Variants in SLC9A9 observed in about 807,000 individuals in gnomAD.
The protein encoded by SLC9A9 is solute carrier family 9 member A9, also known as sodium/hydrogen exchanger 9.
In SLC9A9, 62 loss-of-function variants were observed where a neutral mutation model predicts 77.8. The observed-to-expected ratio is 0.80, with a 90% CI of 0.65 to 0.98. The LOEUF (loss-of-function observed/expected upper bound fraction) is 0.98, where lower values mean the gene tolerates loss of function less well. SLC9A9 is among the 50% of genes least tolerant of loss of function. The pLI is 0.00. For missense variants in SLC9A9, 775 were observed against 774.9 expected, an observed-to-expected ratio of 1.00 and a Z score of 0.00; for synonymous variants, 320 against 283.5, an observed-to-expected ratio of 1.13 and a Z score of -1.29.
intron 12 of SLC9A9, among the ~76,000 whole-genome samples, chr3:143,445,330 T>C (rs566474779): frequency 1.1e-4 from 17 of 152,324 alleles, no homozygotes; most frequent in African/African-American, 3.6e-4. Flanking sequence ...CCACATCTCA[T>C]GGGCTTAAGA....
At chr3:143,270,014 C>T (rs188041863) in intron 14 of SLC9A9, among the ~76,000 whole-genome samples, 4 of 152,316 alleles carry the variant, frequency 2.6e-5, no homozygotes, top group Admixed American at 1.3e-4. Context: ...GCTAAAGAAT[C>T]TGGTACTTCT....
intron 6 of SLC9A9, among the ~76,000 whole-genome samples, chr3:143,642,060 G>T (rs1349241461): frequency 6.6e-6 from 1 of 152,162 alleles, no homozygotes; most frequent in Non-Finnish European, 1.5e-5. Flanking sequence ...TTCTTCAGAA[G>T]TTCTATCATT....
chr3:143,747,785 G>A (rs1264137539), intron 4 of SLC9A9, among the ~76,000 whole-genome samples: 2 of 152,204 alleles, frequency 1.3e-5, no homozygotes, highest in Non-Finnish European at 2.9e-5. Flanking sequence ...CATATATTTC[G>A]ATTGTTTTAA....
intron 1 of SLC9A9, among the ~76,000 whole-genome samples, chr3:143,834,791 A>G (rs73869037): frequency 0.043 from 6,477 of 152,194 alleles, 445 homozygotes; most frequent in African/African-American, 0.14. Context: ...GAAGAAGCAC[A>G]TTGAAGTGAA....
chr3:143,789,949 CTGA>C (rs1400610400), intron 4 of SLC9A9, among the ~76,000 whole-genome samples: 1 of 152,158 alleles, frequency 6.6e-6, no homozygotes, highest in East Asian at 1.9e-4. Context: ...AGCATTCTAG[CTGA>C]TATGGTTTGG....
intron 4 of SLC9A9, among the ~76,000 whole-genome samples, chr3:143,784,594 AGTG>A (rs1450694355): frequency 3.3e-5 from 5 of 151,686 alleles, no homozygotes; most frequent in African/African-American, 1.2e-4. Flanking sequence ...CCTGGGCTCA[AGTG>A]CTCCACCTGC....
chr3:143,305,338 C>A (rs545056597), intron 14 of SLC9A9, among the ~76,000 whole-genome samples: 2 of 152,238 alleles, frequency 1.3e-5, no homozygotes, highest in South Asian at 4.2e-4. Flanking sequence ...GTGCTAAGCC[C>A]TTGATGTTCG....
chr3:143,745,193 A>C (rs548766528), intron 4 of SLC9A9, among the ~76,000 whole-genome samples: 186 of 151,482 alleles, frequency 1.2e-3, no homozygotes, highest in Non-Finnish European at 2.1e-3. Context: ...AGGCTTCCAG[A>C]CAAAACACAG....
chr3:143,697,039 A>G (rs922160073), intron 4 of SLC9A9, among the ~76,000 whole-genome samples: 1 of 151,968 alleles, frequency 6.6e-6, no homozygotes, highest in African/African-American at 2.4e-5. Flanking sequence ...ATTTACAAGA[A>G]TGAAAAATTC....
chr3:143,624,898 T>C (rs2038290518), intron 6 of SLC9A9, among the ~76,000 whole-genome samples: 2 of 152,214 alleles, frequency 1.3e-5, no homozygotes, highest in South Asian at 4.1e-4. Flanking sequence ...CTTAAGCTGA[T>C]AAGCAACTTC....
intron 9 of SLC9A9, among the ~76,000 whole-genome samples, chr3:143,513,252 T>C (rs1205489573): frequency 2.6e-5 from 4 of 152,228 alleles, no homozygotes; most frequent in African/African-American, 7.2e-5. Flanking sequence ...CAAGTTTATG[T>C]GATATTCTAA....
intron 9 of SLC9A9, among the ~76,000 whole-genome samples, chr3:143,545,029 T>C (rs1478857462): frequency 6.6e-6 from 1 of 152,220 alleles, no homozygotes; most frequent in Non-Finnish European, 1.5e-5. Flanking sequence ...TTGCCCTATG[T>C]GTCCATTTTT....
intron 5 of SLC9A9, among the ~76,000 whole-genome samples, chr3:143,653,723 T>G (rs1290538620): frequency 6.6e-6 from 1 of 152,132 alleles, no homozygotes; most frequent in African/African-American, 2.4e-5. Context: ...GCTGGAGGCT[T>G]TCCCAATAAT....
intron 5 of SLC9A9, among the ~76,000 whole-genome samples, chr3:143,658,681 A>T (rs2038933305): frequency 6.6e-6 from 1 of 152,184 alleles, no homozygotes; most frequent in African/African-American, 2.4e-5. Flanking sequence ...GACTTCAAAC[A>T]TGGCTGAGTG....
chr3:143,441,686 C>T (rs1199533556), intron 12 of SLC9A9, among the ~76,000 whole-genome samples: 2 of 151,930 alleles, frequency 1.3e-5, no homozygotes, highest in Non-Finnish European at 2.9e-5. Context: ...TCAATGTGTG[C>T]TCTGGATGGG....
At position 143,551,946 on chromosome 3, in the gene SLC9A9, A is replaced by C. The variant is rs372945226; in HGVS notation, c.1089+416T>G. On this transcript the variant is annotated intron_variant, in intron 9 of 15. Transcript: ENST00000316549. ...ATATTCTGCTTGTGTGACAACTGGCAGTTGAGTTTGCTTGGCATCAAAAGC... is the reference window on the plus strand; with the variant it reads ...ATATTCTGCTTGTGTGACAACTGGCCGTTGAGTTTGCTTGGCATCAAAAGC... 1.2e-4 allele frequency among the ~76,000 whole-genome samples: 19 copies of C among 152,348 alleles called. No individual in the cohort carries two copies. The East Asian group carries it at 2.1e-3, about 17-fold the overall frequency.
intron 4 of SLC9A9, among the ~76,000 whole-genome samples, chr3:143,720,826 C>CAAAGGAATAA (rs1418857475): frequency 0.026 from 3,954 of 152,260 alleles, 161 homozygotes; most frequent in African/African-American, 0.09. Flanking sequence ...TGGGTCCAGC[C>CAAAGGAATAA]CATATTGGCT....
intron 11 of SLC9A9, among the ~76,000 whole-genome samples, chr3:143,480,117 C>A (rs189539642): frequency 2.6e-5 from 4 of 152,310 alleles, no homozygotes; most frequent in South Asian, 4.2e-4. Context: ...GGTGGCTGAG[C>A]CAGCTTCAAA....
chr3:143,647,601 T>C (rs939990505), intron 6 of SLC9A9, among the ~76,000 whole-genome samples: 2 of 152,350 alleles, frequency 1.3e-5, no homozygotes, highest in African/African-American at 4.8e-5. Flanking sequence ...TTTAACCATT[T>C]ATGTCTTTAT....
Sources: gnomAD v4.1 joint callset for allele counts (sites outside exome capture counted in the v4.1 genomes callset) on GRCh38, gnomAD v4.1.1 for gene constraint, MANE v1.5 for transcripts, NCBI Gene and HGNC (gene_info 2026-07-23, HGNC 2026-07-21) for gene names.